ENDOV: variants seen among roughly 807,000 people sequenced by gnomAD.
The protein encoded by ENDOV is hEndoV.
In ENDOV, 37 loss-of-function variants were observed where a neutral mutation model predicts 39.4. The observed-to-expected ratio is 0.94, with a 90% CI of 0.72 to 1.23. The LOEUF is 1.23. ENDOV is among the 50% of genes most tolerant of loss of function. ENDOV has a pLI of 0.00. For synonymous variants in ENDOV, 186 were observed against 163.4 expected (o/e 1.14, Z -1.05); for missense variants, 441 against 375.7 (o/e 1.17, Z -1.44).
chr17:80,432,412 G>T (rs2083384154), intron 9 of ENDOV, among the ~76,000 whole-genome samples: 1 of 152,126 alleles, frequency 6.6e-6, no homozygotes, highest in Non-Finnish European at 1.5e-5. Flanking sequence ...GGGAGGGAGA[G>T]CAGGGCCGTG....
At chr17:80,424,022 C>A in intron 5 of ENDOV, 2 of 277,344 alleles carry the variant, frequency 7.2e-6, no homozygotes, top group Non-Finnish European at 1.3e-5. Context: ...TGCTCAGGTA[C>A]CACAGCCTCC....
Position 80,436,376 on chromosome 17 carries a change from C to CT in ENDOV, c.*236dup. Reference sequence around the variant, plus strand: ...CTGATCTTAAGGGAACGTTTGCAGTCTTTCACCACTAGATGTGATGTGAGC... The same window carrying CT: ...CTGATCTTAAGGGAACGTTTGCAGTCTTTTCACCACTAGATGTGATGTGAGC... On this transcript the variant is annotated 3_prime_UTR_variant, in exon 10 of 10. Transcript: ENST00000518137. 6.8e-7 allele frequency: 1 copy of CT among 1,461,092 alleles called. No individual in the cohort carries two copies. The highest frequency in any genetic ancestry group is 9.1e-7 in the Non-Finnish European group (1 of 1,099,842). 90.5% of individuals were successfully genotyped at this position (1,461,092 alleles called of 1,614,324 possible).
Position 80,436,371 on chromosome 17 carries a change from G to GA in ENDOV, c.*228_*229insA. 1 of 1,475,168 alleles carries GA rather than the reference G, an allele frequency of 6.8e-7. No individual in the cohort carries two copies. The allele number at this position is 1,475,168 out of a possible 1,614,324, so 91.4% of individuals were successfully genotyped here. ...TGTTCCTGATCTTAAGGGAACGTTT[G>GA]CAGTCTTTCACCACTAGATGTGATG... On this transcript the variant is annotated 3_prime_UTR_variant, in exon 10 of 10. Coordinates refer to ENST00000518137, the MANE Select transcript of ENDOV (RefSeq NM_173627.5).
rs193062032 is a variant in ENDOV, at chr17:80,432,215, A to C, written c.838+2384A>C. ...CTTTGGGGGTTAAAGGTGGGGATACACATAGGTCTCTTGCCCAGCGGTGGA... is the reference window on the plus strand; with the variant it reads ...CTTTGGGGGTTAAAGGTGGGGATACCCATAGGTCTCTTGCCCAGCGGTGGA... On this transcript the variant is annotated intron_variant, in intron 9 of 9. Coordinates refer to ENST00000518137, the MANE Select transcript of ENDOV (RefSeq NM_173627.5). Among the ~76,000 whole-genome samples the C allele has an allele frequency of 1.3e-3, 200 of 152,282 alleles. 1 individual carries two copies. The highest frequency in any genetic ancestry group is 3.5e-3 in the Admixed American group (53 of 15,310).
intron 1 of ENDOV, 179 bp downstream of exon 1, chr17:80,415,429 TG>T: frequency 2.0e-6 from 2 of 991,370 alleles, no homozygotes; most frequent in Non-Finnish European, 2.9e-6. Flanking sequence ...GTCCGCGGGG[TG>T]GGCGCGGTTC....
At chr17:80,422,731 G>A (rs575382599) in intron 4 of ENDOV, among the ~76,000 whole-genome samples, 4 of 151,546 alleles carry the variant, frequency 2.6e-5, no homozygotes, top group South Asian at 2.1e-4. Flanking sequence ...ACGGAGTCTC[G>A]CTCTGTCGCC....
At position 80,419,171 on chromosome 17, in the gene ENDOV, A is replaced by G. The variant is rs1475599261; in HGVS notation, c.229-2657A>G. Among the ~76,000 whole-genome samples, 49 of 30,060 alleles carry G rather than the reference A, an allele frequency of 1.6e-3. 1 individual carries two copies. Among genetic ancestry groups the G allele is most frequent in the South Asian group, 6.8e-3 (8 of 1,182 alleles). The allele number at this position is 30,060 out of a possible 152,430, so 19.7% of individuals were successfully genotyped here. On this transcript the variant is annotated intron_variant, in intron 2 of 9. Coordinates refer to ENST00000518137, the MANE Select transcript of ENDOV (RefSeq NM_173627.5). ...CTGAGCAACAGAGCAGGACTCTGTC[A>G]AAAAAAAAAAAAAAAAAACAGATTC...
rs1482887716 is a variant in ENDOV at position 80,422,203 on chromosome 17, T to C, written c.364-3T>C. On this transcript the variant is annotated splice_polypyrimidine_tract_variant and splice_region_variant and intron_variant, in intron 3 of 9. Coordinates refer to ENST00000518137, the MANE Select transcript of ENDOV (RefSeq NM_173627.5). ...GACTGTGACTCTCCCTGTGGCTCCA[T>C]AGGTCCTTCTTGTGGATGGAAACGG... The C allele has an allele frequency of 1.9e-6, 3 of 1,613,556 alleles. No homozygotes were observed.
In ENDOV at chr17:80,436,440, C is replaced by T. The variant is rs1298647811; in HGVS notation, c.*297C>T. The T allele has an allele frequency of 2.2e-5, 27 of 1,208,542 alleles. No homozygotes were observed. Among genetic ancestry groups the T allele is most frequent in the African/African-American group, 1.2e-4 (8 of 65,018 alleles). 74.9% of individuals were successfully genotyped at this position (1,208,542 alleles called of 1,614,324 possible). Reference sequence around the variant, plus strand: ...AGGATGCTCTTCATCCAGCTGAAGACGGTCCCTTCTAGTCCTAATTTGTTA... The same window carrying T: ...AGGATGCTCTTCATCCAGCTGAAGATGGTCCCTTCTAGTCCTAATTTGTTA... On this transcript the variant is annotated 3_prime_UTR_variant, in exon 10 of 10. Transcript: ENST00000518137.
rs139905366 is a variant in ENDOV, at chr17:80,425,598, G to A, written c.692G>A (p.Arg231Gln). 8.2e-5 allele frequency: 130 copies of A among 1,587,580 alleles called. 1 individual carries two copies. The South Asian group carries it at 9.0e-4, about 11-fold the overall frequency. The part of the protein sequence containing the change: ...VRLTCCCCRF[R>Q]IPEPVRQADI... ...CTGACTTGCTGCTGCTGCAGGTTCC[G>A]GATCCCAGAGCCCGTGCGCCAGGTG... Residue 231 changes from arginine (R) to glutamine (Q), a missense_variant, in exon 7 of 10, where the codon CGG (arginine) becomes CAG (glutamine). Coordinates refer to ENST00000518137, the MANE Select transcript of ENDOV (RefSeq NM_173627.5).
At chr17:80,415,304 C>G in intron 1 of ENDOV, 54 bp downstream of exon 1, 3 of 1,590,602 alleles carry the variant, frequency 1.9e-6, no homozygotes, top group Non-Finnish European at 2.6e-6. Context: ...GGCGGCCCTT[C>G]GCGGACCCTC....
intron 5 of ENDOV, among the ~76,000 whole-genome samples, chr17:80,424,761 C>T (rs1363382510): frequency 1.3e-5 from 2 of 152,208 alleles, no homozygotes; most frequent in African/African-American, 4.8e-5. Context: ...CGAGACCATC[C>T]TGGCTAGCAT....
intron 4 of ENDOV, among the ~76,000 whole-genome samples, 187 bp downstream of exon 4, chr17:80,422,432 A>G (rs573243467): frequency 5.7e-4 from 86 of 152,154 alleles, no homozygotes; most frequent in African/African-American, 1.9e-3. Flanking sequence ...CCGCCGGTAA[A>G]GGACTGTCTA....
intron 9 of ENDOV, chr17:80,430,304 C>A: frequency 6.6e-7 from 1 of 1,511,978 alleles, no homozygotes; most frequent in African/African-American, 1.4e-5. Flanking sequence ...TGTGCTTTGC[C>A]CACCCCTTTC....
intron 8 of ENDOV, among the ~76,000 whole-genome samples, 177 bp from the exon 9 acceptor site, chr17:80,429,596 C>A (rs2083154652): frequency 6.6e-6 from 1 of 152,216 alleles, no homozygotes; most frequent in Non-Finnish European, 1.5e-5. Context: ...GGAGGCCGGC[C>A]CGCTTGAATG....
Position 80,427,737 on chromosome 17 carries a change from C to T in ENDOV, c.715-859C>T, listed in dbSNP as rs898943304. 1.0e-5 allele frequency: 13 copies of T among 1,289,246 alleles called. No homozygotes were observed. The East Asian group carries it at 5.5e-4, about 55-fold the overall frequency. The allele number at this position is 1,289,246 out of a possible 1,614,324, so 79.9% of individuals were successfully genotyped here. On this transcript the variant is annotated intron_variant, in intron 7 of 9. Transcript: ENST00000518137. ...CGGGGTTAGTGTTGGTCTGCTCTCT[C>T]CCTGGCTCCGCGCCGGGCCGTCTTG...
At chr17:80,422,524 C>G (rs111603056) in intron 4 of ENDOV, among the ~76,000 whole-genome samples, 3 of 152,396 alleles carry the variant, frequency 2.0e-5, no homozygotes. Context: ...CCAGGTGCCA[C>G]TATCCAGTTC....
Position 80,423,531 on chromosome 17 carries a change from G to T in ENDOV, c.415G>T (p.Ala139Ser). The T allele has an allele frequency of 6.4e-7, 1 of 1,551,848 alleles. No individual in the cohort carries two copies. Among genetic ancestry groups the T allele is most frequent in the Non-Finnish European group, 8.7e-7 (1 of 1,147,522 alleles). The stretch of plus-strand genomic sequence containing the variant: ...TTTCTCTCTGGCAGGCTTTGGGGTG[G>T]CCTGCCACCTTGGCGTCCTTACAGA... ...GVLHHRGFGV[A>S]CHLGVLTDLP... Residue 139 changes from alanine to serine, a missense_variant, in exon 5 of 10, where the codon GCC becomes TCC. Physicochemically the swap from Ala to Ser is moderately conservative, Grantham distance 99. Coordinates refer to ENST00000518137, the MANE Select transcript of ENDOV (RefSeq NM_173627.5).
chr17:80,428,759 G>A (rs560681762), intron 8 of ENDOV, 99 bp downstream of exon 8: 26 of 1,210,636 alleles, frequency 2.1e-5, no homozygotes, highest in African/African-American at 2.1e-4. Flanking sequence ...CAATATTGTG[G>A]CTCAGGACAG....
Sources: allele counts gnomAD v4.1 joint callset (sites outside exome capture counted in the v4.1 genomes callset), GRCh38; gene constraint gnomAD v4.1.1; transcripts MANE v1.5; gene names NCBI Gene and HGNC (gene_info 2026-07-23, HGNC 2026-07-21).